Variants in PTPRD observed in about 807,000 individuals in gnomAD.
PTPRD encodes the protein receptor-type tyrosine-protein phosphatase delta.
PTPRD carries 34 observed loss-of-function variants against 214.5 expected under a neutral mutation model. That is an observed-to-expected ratio of 0.16 (90% CI 0.12 to 0.21). The LOEUF (loss-of-function observed/expected upper bound fraction) is 0.21, where lower values mean the gene tolerates loss of function less well. Ranked by LOEUF, PTPRD falls within the 10% of genes least tolerant of loss-of-function variation. The pLI, the probability that PTPRD is intolerant of heterozygous loss-of-function variation, is 1.00. For synonymous variants in PTPRD, 1,128 were observed against 845.7 expected, an observed-to-expected ratio of 1.33 and a Z score of -5.79; for missense variants, 2,545 against 2,398.7, an observed-to-expected ratio of 1.06 and a Z score of -1.27.
chr9:9,898,820 A>G (rs966751516), intron 5 of PTPRD, among the ~76,000 whole-genome samples: 1 of 152,084 alleles, frequency 6.6e-6, no homozygotes, highest in Non-Finnish European at 1.5e-5. Flanking sequence ...TGAATTTTTA[A>G]AAAGACGTAT....
chr9:10,130,323 C>A (rs1037583082), intron 3 of PTPRD, among the ~76,000 whole-genome samples: 1 of 152,064 alleles, frequency 6.6e-6, no homozygotes, highest in African/African-American at 2.4e-5. Flanking sequence ...GAATAACATA[C>A]CATTTTTTTC....
chr9:8,334,293 C>T (rs957515186), intron 43 of PTPRD, among the ~76,000 whole-genome samples: 5 of 152,006 alleles, frequency 3.3e-5, no homozygotes, highest in African/African-American at 1.2e-4. Context: ...TAAAACACTC[C>T]TCAGCAAATG....
At chr9:9,829,061 T>C (rs910068091) in intron 5 of PTPRD, among the ~76,000 whole-genome samples, 3 of 151,906 alleles carry the variant, frequency 2.0e-5, no homozygotes, top group Non-Finnish European at 4.4e-5. Context: ...ATGAATGAGG[T>C]ATAGCGGGGA....
At chr9:9,583,034 A>C (rs2154316277) in intron 7 of PTPRD, among the ~76,000 whole-genome samples, 1 of 152,212 alleles carries the variant, frequency 6.6e-6, no homozygotes, top group Admixed American at 6.6e-5. Context: ...TGTTGCCAAT[A>C]AATAGTATAG....
At chr9:10,579,092 G>C (rs1325613668) in intron 2 of PTPRD, among the ~76,000 whole-genome samples, 2 of 151,944 alleles carry the variant, frequency 1.3e-5, no homozygotes, top group African/African-American at 4.8e-5. Flanking sequence ...CCCCTTGACA[G>C]GCCCTGATGT....
rs1031829582 is a variant in PTPRD at position 8,403,996 on chromosome 9, T to C, written c.4210+541A>G. Among the ~76,000 whole-genome samples, 67 of 152,162 alleles carry C rather than the reference T, an allele frequency of 4.4e-4. 2 individuals are homozygous for C. The highest frequency in any genetic ancestry group is 3.9e-3 in the Admixed American group (59 of 15,276). On this transcript the variant is annotated intron_variant, in intron 36 of 45. Transcript: ENST00000381196. ...AACATCAACTACATTATCAAATCTT[T>C]AGGGTAAAGGCAAGAAGGTAATGAG...
intron 8 of PTPRD, among the ~76,000 whole-genome samples, chr9:9,398,631 T>C (rs952581416): frequency 6.6e-6 from 1 of 150,580 alleles, no homozygotes. Flanking sequence ...GGGTGAAGAA[T>C]GTCCTTTATT....
chr9:8,676,976 G>A (rs934650268), intron 12 of PTPRD, among the ~76,000 whole-genome samples: 13 of 152,070 alleles, frequency 8.5e-5, no homozygotes, highest in African/African-American at 2.7e-4. Context: ...TGAAATGAAC[G>A]AATAAAGTGA....
intron 11 of PTPRD, among the ~76,000 whole-genome samples, chr9:8,850,889 A>G (rs2097795454): frequency 6.6e-6 from 1 of 152,234 alleles, no homozygotes; most frequent in Non-Finnish European, 1.5e-5. Flanking sequence ...ATGGGCCAGG[A>G]GGAAGGAAGA....
chr9:9,086,006 T>C (rs1274104870), intron 10 of PTPRD, among the ~76,000 whole-genome samples: 1 of 152,170 alleles, frequency 6.6e-6, no homozygotes, highest in Non-Finnish European at 1.5e-5. Context: ...TGAATACATA[T>C]GCAACTTACA....
chr9:9,274,385 T>A (rs1944152909), intron 9 of PTPRD, among the ~76,000 whole-genome samples: 3 of 151,366 alleles, frequency 2.0e-5, no homozygotes, highest in Non-Finnish European at 3.0e-5. Context: ...TCATTTGTGG[T>A]AAATGTCTGC....
intron 7 of PTPRD, among the ~76,000 whole-genome samples, chr9:9,608,609 C>T (rs2154343041): frequency 6.6e-6 from 1 of 152,164 alleles, no homozygotes; most frequent in East Asian, 1.9e-4. Flanking sequence ...AAATGTCATC[C>T]TTGAGGTTGT....
In PTPRD at chr9:8,973,490, T is replaced by C. The variant is rs2099251116; in HGVS notation, c.-104+45207A>G. ...TTGATAGGTACCTAGGTTGATTCCA[T>C]GTCTTTGCCATTATGAATTGTGTTG... On this transcript the variant is annotated intron_variant, in intron 11 of 45. Transcript: ENST00000381196. 2.0e-5 allele frequency among the ~76,000 whole-genome samples: 3 copies of C among 152,220 alleles called. No homozygotes were observed. In the South Asian group the frequency reaches 6.2e-4, roughly 32 times the overall value.
intron 21 of PTPRD, among the ~76,000 whole-genome samples, chr9:8,512,455 T>C (rs914352853): frequency 6.6e-6 from 1 of 152,074 alleles, no homozygotes; most frequent in Non-Finnish European, 1.5e-5. Flanking sequence ...ACTTTGGTTA[T>C]TAGAAAGCAG....
intron 4 of PTPRD, among the ~76,000 whole-genome samples, chr9:9,961,419 T>G (rs1228169665): frequency 6.6e-6 from 1 of 152,156 alleles, no homozygotes; most frequent in Non-Finnish European, 1.5e-5. Flanking sequence ...TGATTTCCTA[T>G]GGACCTTTTG....
At chr9:9,593,946 C>T (rs775759489) in intron 7 of PTPRD, among the ~76,000 whole-genome samples, 4 of 151,954 alleles carry the variant, frequency 2.6e-5, no homozygotes, top group Non-Finnish European at 5.9e-5. Context: ...ATATCTGTAA[C>T]CTGAGAAAAG....
At chr9:9,444,165 C>A (rs1385650617) in intron 8 of PTPRD, among the ~76,000 whole-genome samples, 1 of 152,124 alleles carries the variant, frequency 6.6e-6, no homozygotes, top group Non-Finnish European at 1.5e-5. Context: ...TACCACTTAA[C>A]ATGTTCTTTG....
chr9:8,709,474 C>T (rs1220666757), intron 12 of PTPRD, among the ~76,000 whole-genome samples: 8 of 141,450 alleles, frequency 5.7e-5, no homozygotes, highest in African/African-American at 2.1e-4. Context: ...AAGATCACAT[C>T]ACTGCACTCC....
intron 3 of PTPRD, among the ~76,000 whole-genome samples, chr9:10,133,246 C>T (rs1369064694): frequency 2.0e-5 from 3 of 152,054 alleles, no homozygotes; most frequent in Non-Finnish European, 4.4e-5. Context: ...AGAACTGAAA[C>T]AGCACTCACA....
Sources: gnomAD v4.1 joint callset for allele counts (sites outside exome capture counted in the v4.1 genomes callset) on GRCh38, gnomAD v4.1.1 for gene constraint, MANE v1.5 for transcripts, NCBI Gene and HGNC (gene_info 2026-07-23, HGNC 2026-07-21) for gene names.